ACBD5: variants seen among roughly 807,000 people sequenced by gnomAD.
The protein encoded by ACBD5 is acyl-CoA-binding domain-containing protein 5.
In ACBD5, 40 loss-of-function variants were observed where a neutral mutation model predicts 71.8. The observed-to-expected ratio is 0.56, with a 90% confidence interval of 0.43 to 0.72. The LOEUF is 0.72. ACBD5 is among the 30% of genes least tolerant of loss of function. The pLI is 0.00. For missense variants in ACBD5, 559 were observed against 644.5 expected, an observed-to-expected ratio of 0.87 and a Z score of 1.44; for synonymous variants, 229 against 218.6, an observed-to-expected ratio of 1.05 and a Z score of -0.42.
At chr10:27,220,550 C>G (rs1378955899) in intron 5 of ACBD5, 1 of 152,154 alleles carries the variant, frequency 6.6e-6, no homozygotes, top group Non-Finnish European at 1.5e-5. Context: ...GTTACCAATG[C>G]TGTTGGTTAC....
upstream of ACBD5, among the ~76,000 whole-genome samples, chr10:27,241,727 A>C (rs1157854133): frequency 6.6e-6 from 1 of 152,144 alleles, no homozygotes; most frequent in East Asian, 1.9e-4. Flanking sequence ...AATTAAAAAA[A>C]AAAATAAAAA....
Position 27,195,724 on chromosome 10 carries a change from ATAAT to A in ACBD5, c.*1702_*1705del, listed in dbSNP as rs771535749. ...CATATTTTAATCAGTATGGGATTAA[ATAAT>A]TAAAGTTATTTGAAAGAAAAAAATA... On this transcript the variant is annotated 3_prime_UTR_variant, in exon 13 of 13. Coordinates refer to ENST00000396271, the MANE Select transcript of ACBD5 (RefSeq NM_145698.5). 3 of 418,840 alleles carry A rather than the reference ATAAT, an allele frequency of 7.2e-6. No individual in the cohort carries two copies. The highest frequency in any genetic ancestry group is 1.4e-5 in the Non-Finnish European group (3 of 217,360). The allele number at this position is 418,840 out of a possible 1,614,324, so 25.9% of individuals were successfully genotyped here. A position where few individuals can be genotyped will look rare whatever the true frequency, so the allele number is the denominator to read the frequency against.
At chr10:27,190,226 A>G (rs1288207041), downstream of ACBD5, among the ~76,000 whole-genome samples, 1 of 152,174 alleles carries the variant, frequency 6.6e-6, no homozygotes, top group African/African-American at 2.4e-5. Context: ...TGGAGGTTAC[A>G]GTGAGCCAAA....
chr10:27,240,196 C>T lies in ACBD5; in HGVS notation c.181+123G>A. ...AATTAATTCATATTCAATAGCTCCC[C>T]TTCCACTACATGGCTCCTACACAGA... On this transcript the variant is annotated intron_variant, in intron 2 of 12. Transcript: ENST00000396271. The surrounding 1 kb of genome is among the most constrained non-coding windows in gnomAD (Gnocchi z 4.1). The T allele has an allele frequency of 6.8e-7, 1 of 1,475,720 alleles. No homozygotes were observed. The highest frequency in any genetic ancestry group is 2.3e-5 in the East Asian group (1 of 43,278). 91.4% of individuals were successfully genotyped at this position (1,475,720 alleles called of 1,614,324 possible).
chr10:27,206,999 C>T (rs138154893), intron 10 of ACBD5, among the ~76,000 whole-genome samples: 102 of 151,578 alleles, frequency 6.7e-4, no homozygotes, highest in Non-Finnish European at 1.0e-3. Flanking sequence ...ACTGAGAGGC[C>T]GGGCACGGTG....
rs747118256 is a variant in ACBD5, at chr10:27,197,221, T to A, written c.*209A>T. 4.6e-6 allele frequency: 3 copies of A among 656,692 alleles called. No individual in the cohort carries two copies. The highest frequency in any genetic ancestry group is 5.6e-6 in the Non-Finnish European group (2 of 353,992). 40.7% of individuals were successfully genotyped at this position (656,692 alleles called of 1,614,324 possible). On this transcript the variant is annotated 3_prime_UTR_variant, in exon 13 of 13. Coordinates refer to ENST00000396271, the MANE Select transcript of ACBD5 (RefSeq NM_145698.5). Reference sequence around the variant, plus strand: ...TACTTATAACCTAGTAGAGATTGATTATTCAAGTATCAGCAATATTAGTCC... The same window carrying A: ...TACTTATAACCTAGTAGAGATTGATAATTCAAGTATCAGCAATATTAGTCC...
intron 2 of ACBD5, among the ~76,000 whole-genome samples, chr10:27,235,550 G>A (rs1397442883): frequency 1.3e-5 from 2 of 152,128 alleles, no homozygotes; most frequent in East Asian, 1.9e-4. Context: ...TTAAGCAATC[G>A]TAATAAGGTA....
chr10:27,216,088 G>C (rs2061594202), intron 7 of ACBD5, among the ~76,000 whole-genome samples: 1 of 151,810 alleles, frequency 6.6e-6, no homozygotes, highest in African/African-American at 2.4e-5. Context: ...TGGTGCGGCT[G>C]GTCTCAAACT....
At position 27,219,837 on chromosome 10, in the gene ACBD5, A is replaced by C; in HGVS notation, c.511T>G (p.Ser171Ala). The C allele has an allele frequency of 6.2e-7, 1 of 1,614,032 alleles. No individual in the cohort carries two copies. ...ITSDLGNVLT[S>A]TPNAKTVNGK... ...TTAACGGTTTTGGCGTTTGGAGTAG[A>C]AGTGAGAACATTACCAAGATCTAAA... Residue 171 changes from serine (S) to alanine (A), a missense_variant, in exon 6 of 13, where the codon TCT becomes GCT. Ser to Ala is a moderately conservative substitution (Grantham distance 99). Transcript: ENST00000396271.
chr10:27,192,874 G>T (rs1365912023), downstream of ACBD5, among the ~76,000 whole-genome samples: 1 of 151,670 alleles, frequency 6.6e-6, no homozygotes, highest in Non-Finnish European at 1.5e-5. Flanking sequence ...GGAAGCTGAG[G>T]CAGAGAATTG....
At chr10:27,203,949 C>G (rs1348117659) in intron 12 of ACBD5, among the ~76,000 whole-genome samples, 1 of 151,486 alleles carries the variant, frequency 6.6e-6, no homozygotes, top group African/African-American at 2.4e-5. Context: ...AACACTGTTT[C>G]CTCACAAACC....
intron 4 of ACBD5, among the ~76,000 whole-genome samples, chr10:27,230,237 C>A (rs1333872472): frequency 6.6e-6 from 1 of 150,406 alleles, no homozygotes; most frequent in African/African-American, 2.4e-5. Flanking sequence ...CCCTTGGTTA[C>A]AAAGTCTACC....
At chr10:27,194,965 T>C (rs564523251), downstream of ACBD5, among the ~76,000 whole-genome samples, 11 of 152,220 alleles carry the variant, frequency 7.2e-5, no homozygotes, top group South Asian at 1.7e-3. Flanking sequence ...CACTGCACTC[T>C]AGCCTGGCAA....
At chr10:27,222,562 T>C (rs2062490188) in intron 5 of ACBD5, among the ~76,000 whole-genome samples, 5 of 150,744 alleles carry the variant, frequency 3.3e-5, no homozygotes, top group Non-Finnish European at 7.4e-5. Flanking sequence ...TTTTAATTTC[T>C]TTTTTTGTTT....
intron 3 of ACBD5, among the ~76,000 whole-genome samples, chr10:27,233,383 GC>G (rs1290944520): frequency 4.0e-5 from 6 of 149,916 alleles, no homozygotes; most frequent in Non-Finnish European, 7.4e-5. Flanking sequence ...CCAAGATCGC[GC>G]CACTGCACTC....
chr10:27,188,767 G>C (rs2058924389), intron 13 of ACBD5, among the ~76,000 whole-genome samples: 1 of 152,268 alleles, frequency 6.6e-6, no homozygotes, highest in African/African-American at 2.4e-5. Context: ...TGTAGATTCA[G>C]ACACTTGCTA....
At chr10:27,213,992 A>G (rs1466284928) in intron 8 of ACBD5, among the ~76,000 whole-genome samples, 1 of 152,244 alleles carries the variant, frequency 6.6e-6, no homozygotes, top group Admixed American at 6.5e-5. Flanking sequence ...CTACCATAAA[A>G]AAGAATGAGA....
intron 2 of ACBD5, among the ~76,000 whole-genome samples, chr10:27,236,884 CAAAAAAAAAAAA>C (rs5783998): frequency 2.3e-5 from 2 of 87,168 alleles, no homozygotes; most frequent in Admixed American, 1.3e-4. Flanking sequence ...GACTTGGTCT[CAAAAAAAAAAAA>C]AAAAAAAAAG....
rs1436584645 is a variant in ACBD5, at chr10:27,195,408, A to T, written c.*2022T>A. On this transcript the variant is annotated 3_prime_UTR_variant, in exon 13 of 13. Transcript: ENST00000396271. ...CAAAGTGCTTTTCAAACTATAAAAT[A>T]AGACTTTGGAACAGGATAGAAATGG... 1 of 454,368 alleles carries T rather than the reference A, an allele frequency of 2.2e-6. No individual in the cohort carries two copies. The highest frequency in any genetic ancestry group is 6.9e-5 in the East Asian group (1 of 14,412). 28.1% of individuals were successfully genotyped at this position (454,368 alleles called of 1,614,324 possible). A position where few individuals can be genotyped will look rare whatever the true frequency, so the allele number is the denominator to read the frequency against.
Sources: allele counts gnomAD v4.1 joint callset (sites outside exome capture counted in the v4.1 genomes callset), GRCh38; gene constraint gnomAD v4.1.1; non-coding constraint Gnocchi (gnomAD v3.1); transcripts MANE v1.5; gene names NCBI Gene and HGNC (gene_info 2026-07-23, HGNC 2026-07-21).